Variants in PTPRD observed in about 807,000 individuals in gnomAD.
PTPRD encodes the protein receptor-type tyrosine-protein phosphatase delta.
Under a neutral mutation model 214.5 loss-of-function variants are expected in PTPRD, and 34 were observed. The observed-to-expected ratio is 0.16, with a 90% CI of 0.12 to 0.21. PTPRD has a LOEUF of 0.21. Among genes scored for constraint, PTPRD ranks in the 10% least tolerant of loss-of-function variants. The probability of loss-of-function intolerance (pLI) is 1.00; values close to 1 mark genes in which losing one functional copy is unlikely to be tolerated. For synonymous variants in PTPRD, 1,128 were observed against 845.7 expected (o/e 1.33, Z -5.79); for missense variants, 2,545 against 2,398.7 (o/e 1.06, Z -1.27).
chr9:9,112,834 A>G (rs2154452437), intron 10 of PTPRD, among the ~76,000 whole-genome samples: 1 of 152,282 alleles, frequency 6.6e-6, no homozygotes, highest in East Asian at 1.9e-4. Context: ...CATAGCAAAT[A>G]TGTTTCGTAT....
At chr9:9,030,354 C>G (rs1449234271) in intron 10 of PTPRD, among the ~76,000 whole-genome samples, 1 of 122,680 alleles carries the variant, frequency 8.2e-6, no homozygotes, top group Non-Finnish European at 1.6e-5. Flanking sequence ...GTATACCTAT[C>G]AAATAAACTT....
chr9:9,588,141 A>G (rs546260699), intron 7 of PTPRD, among the ~76,000 whole-genome samples: 2 of 152,042 alleles, frequency 1.3e-5, no homozygotes, highest in Non-Finnish European at 2.9e-5. Flanking sequence ...TATTAATAAC[A>G]GAAAAAAATA....
intron 2 of PTPRD, among the ~76,000 whole-genome samples, chr9:10,611,816 C>T (rs762926624): frequency 2.0e-5 from 3 of 152,110 alleles, no homozygotes; most frequent in Non-Finnish European, 2.9e-5. Flanking sequence ...GGATTTTCCT[C>T]CAATTATTAT....
intron 8 of PTPRD, among the ~76,000 whole-genome samples, chr9:9,572,597 A>ATG (rs953903932): frequency 6.8e-6 from 1 of 146,054 alleles, no homozygotes; most frequent in African/African-American, 2.5e-5. Flanking sequence ...ATATATGTAT[A>ATG]TGTGTATATA....
At chr9:10,302,765 C>T (rs2154407882) in intron 3 of PTPRD, among the ~76,000 whole-genome samples, 1 of 152,178 alleles carries the variant, frequency 6.6e-6, no homozygotes, top group African/African-American at 2.4e-5. Context: ...TTCACGAAAC[C>T]ATTTCTTAGA....
At chr9:9,927,726 G>A (rs1025879186) in intron 5 of PTPRD, among the ~76,000 whole-genome samples, 1 of 152,078 alleles carries the variant, frequency 6.6e-6, no homozygotes, top group African/African-American at 2.4e-5. Flanking sequence ...CTAATGCAGT[G>A]CAATGTTCAT....
chr9:9,860,249 CA>C (rs2062433252), intron 5 of PTPRD, among the ~76,000 whole-genome samples: 1 of 152,140 alleles, frequency 6.6e-6, no homozygotes, highest in Non-Finnish European at 1.5e-5. Flanking sequence ...AAAGACAACA[CA>C]AATGATGGAA....
At position 8,339,017 on chromosome 9, in the gene PTPRD, G is replaced by T; in HGVS notation, c.5284C>A (p.Arg1762=). The change falls in exon 43 of 46, where the codon CGG becomes AGG. Residue 1762 remains arginine, a synonymous_variant. Coordinates refer to ENST00000381196, the MANE Select transcript of PTPRD (RefSeq NM_002839.4). ...EKCHQYWPAE[R]SARYQYFVVD... ...ACAAAGTACTGGTATCTTGCAGACCGTTCTGCTGGCCAGTATTGGTGACAT... is the reference window on the plus strand; with the variant it reads ...ACAAAGTACTGGTATCTTGCAGACCTTTCTGCTGGCCAGTATTGGTGACAT... 1 of 1,612,024 alleles carries T rather than the reference G, an allele frequency of 6.2e-7. No homozygotes were observed. The highest frequency in any genetic ancestry group is 8.5e-7 in the Non-Finnish European group (1 of 1,178,632).
At chr9:8,532,738 C>T (rs911784644) in intron 14 of PTPRD, among the ~76,000 whole-genome samples, 1 of 151,870 alleles carries the variant, frequency 6.6e-6, no homozygotes, top group Non-Finnish European at 1.5e-5. Context: ...TTTTGAGAGG[C>T]CATTAAAGGG....
intron 11 of PTPRD, among the ~76,000 whole-genome samples, chr9:8,749,603 A>G (rs1251474810): frequency 1.3e-5 from 2 of 152,224 alleles, no homozygotes; most frequent in Non-Finnish European, 2.9e-5. Context: ...ACATATTATA[A>G]CACATAGAGA....
intron 9 of PTPRD, among the ~76,000 whole-genome samples, chr9:9,335,761 C>A (rs1294947956): frequency 1.3e-5 from 2 of 151,986 alleles, no homozygotes; most frequent in African/African-American, 2.4e-5. Flanking sequence ...TTCATTCAAT[C>A]CTCTCTTTTA....
At chr9:9,906,297 C>G (rs1263822452) in intron 5 of PTPRD, among the ~76,000 whole-genome samples, 1 of 151,850 alleles carries the variant, frequency 6.6e-6, no homozygotes, top group Non-Finnish European at 1.5e-5. Context: ...GAGAAGTGTG[C>G]TTTTTTGTAC....
Position 8,341,720 on chromosome 9 carries a change from A to G in PTPRD, c.4920T>C (p.Asn1640=). The change falls in exon 40 of 46, where the codon AAT becomes AAC. Residue 1640 remains asparagine, a synonymous_variant. Transcript: ENST00000381196. The part of the protein sequence containing the change: ...QKLTQIETGE[N]VTGMELEFKR... ...TAAATTCGAGCTCCATTCCTGTGAC[A>G]TTCTCTCCCGTTTCTATTTGTGTCA... 1 of 1,613,408 alleles carries G rather than the reference A, an allele frequency of 6.2e-7. No homozygotes were observed.
chr9:10,512,661 G>A (rs2048692772), intron 2 of PTPRD, among the ~76,000 whole-genome samples: 1 of 152,112 alleles, frequency 6.6e-6, no homozygotes, highest in African/African-American at 2.4e-5. Context: ...AATTTGTTGA[G>A]AGGGAAGGAG....
chr9:9,871,358 A>G (rs1225670822), intron 5 of PTPRD, among the ~76,000 whole-genome samples: 1 of 152,160 alleles, frequency 6.6e-6, no homozygotes, highest in Non-Finnish European at 1.5e-5. Flanking sequence ...TGAGAAGTTT[A>G]ATTTCATGTA....
chr9:8,956,587 G>A (rs1467330238), intron 11 of PTPRD, among the ~76,000 whole-genome samples: 2 of 151,776 alleles, frequency 1.3e-5, no homozygotes, highest in Non-Finnish European at 2.9e-5. Context: ...ACAGCACACT[G>A]CTTGTGCTGG....
intron 3 of PTPRD, among the ~76,000 whole-genome samples, chr9:10,264,033 C>T (rs996815580): frequency 4.6e-5 from 7 of 152,148 alleles, no homozygotes; most frequent in Non-Finnish European, 8.8e-5. Context: ...GCTGAGCCTG[C>T]GAGTGCACAG....
At position 8,507,452 on chromosome 9, in the gene PTPRD, A is replaced by G. The variant is rs1421927505; in HGVS notation, c.1544-18T>C. On this transcript the variant is annotated intron_variant, in intron 21 of 45. Coordinates refer to ENST00000381196, the MANE Select transcript of PTPRD (RefSeq NM_002839.4). ...CCCTGGTACTAAAAACAGGGAGGCA[A>G]TGGATTGAACTCACAATCACCAGGA... 2 of 1,613,588 alleles carry G rather than the reference A, an allele frequency of 1.2e-6. No homozygotes were observed. Among genetic ancestry groups the G allele is most frequent in the Non-Finnish European group, 1.7e-6 (2 of 1,179,580 alleles).
intron 36 of PTPRD, among the ~76,000 whole-genome samples, chr9:8,396,708 G>A (rs902381908): frequency 1.3e-5 from 2 of 152,052 alleles, no homozygotes; most frequent in African/African-American, 4.8e-5. Flanking sequence ...ATAGTCTAAG[G>A]TAGGAGCTAG....
Sources: allele counts gnomAD v4.1 joint callset (sites outside exome capture counted in the v4.1 genomes callset), GRCh38; gene constraint gnomAD v4.1.1; transcripts MANE v1.5; gene names NCBI Gene and HGNC (gene_info 2026-07-23, HGNC 2026-07-21).